Variants in CC2D2A observed in about 807,000 individuals in gnomAD.
The protein encoded by CC2D2A is coiled-coil and C2 domain containing 2A.
In CC2D2A, 155 loss-of-function variants were observed where a neutral mutation model predicts 212.9. The observed-to-expected ratio is 0.73, with a 90% CI of 0.64 to 0.83. CC2D2A has a LOEUF of 0.83. CC2D2A is among the 40% of genes least tolerant of loss of function. CC2D2A has a pLI of 0.00. For missense variants in CC2D2A, 1,856 were observed against 1,956.2 expected (o/e 0.95, Z 0.97); for synonymous variants, 667 against 686.5 (o/e 0.97, Z 0.44).
chr4:15,500,330 T>C lies in CC2D2A; in HGVS notation c.248-2099T>C, dbSNP rs1439348641. 2.0e-5 allele frequency among the ~76,000 whole-genome samples: 3 copies of C among 152,016 alleles called. No homozygotes were observed. The East Asian group carries it at 5.8e-4, about 29-fold the overall frequency. The stretch of plus-strand genomic sequence containing the variant: ...CATCCTTGTGCAGTACATAACTGTA[T>C]ATAAATTCAAAATGTGACAGATGAA... On this transcript the variant is annotated intron_variant, in intron 4 of 36. Coordinates refer to ENST00000424120, the MANE Select transcript of CC2D2A (RefSeq NM_001378615.1).
chr4:15,595,130 TTTC>T (rs1045439929), intron 33 of CC2D2A, among the ~76,000 whole-genome samples: 5 of 152,184 alleles, frequency 3.3e-5, no homozygotes, highest in Non-Finnish European at 7.3e-5. Flanking sequence ...TTTGCTATCT[TTTC>T]TTATTAGATA....
intron 15 of CC2D2A, 85 bp from the exon 16 acceptor site, chr4:15,537,814 C>T: frequency 7.2e-7 from 1 of 1,395,124 alleles, no homozygotes; most frequent in African/African-American, 1.4e-5. Flanking sequence ...GGGTTTGTAT[C>T]CAGGTCCATC....
intron 33 of CC2D2A, among the ~76,000 whole-genome samples, chr4:15,589,887 C>T (rs1721022093): frequency 6.6e-6 from 1 of 151,740 alleles, no homozygotes; most frequent in South Asian, 2.1e-4. Flanking sequence ...TTCAATTAGT[C>T]ACCTGACCTG....
At chr4:15,550,061 T>C (rs565900363) in intron 17 of CC2D2A, among the ~76,000 whole-genome samples, 1 of 152,236 alleles carries the variant, frequency 6.6e-6, no homozygotes, top group African/African-American at 2.4e-5. Flanking sequence ...AACTGTGGAA[T>C]ATTATGTCAT....
Position 15,538,015 on chromosome 4 carries a change from G to A in CC2D2A, c.1881G>A (p.Arg627=), listed in dbSNP as rs1718228986. The change falls in exon 16 of 37, where the codon CGG becomes CGA. Residue 627 remains arginine, a synonymous_variant. Transcript: ENST00000424120. The part of the protein sequence containing the change: ...VKPSPPEPTD[R]AVIEQEVRER... The stretch of plus-strand genomic sequence containing the variant: ...CCAGCCCTCCAGAGCCCACTGATCG[G>A]GCAGTGATAGAGCAGGAGGTGAGGG... 1 of 1,609,146 alleles carries A rather than the reference G, an allele frequency of 6.2e-7. No individual in the cohort carries two copies. Among genetic ancestry groups the A allele is most frequent in the Non-Finnish European group, 8.5e-7 (1 of 1,177,916 alleles).
In CC2D2A at chr4:15,598,494, G is replaced by A. The variant is rs78477796; in HGVS notation, c.4496+1029G>A. Among the ~76,000 whole-genome samples, 13 of 152,194 alleles carry A rather than the reference G, an allele frequency of 8.5e-5. 1 individual carries two copies. The East Asian group carries it at 2.1e-3, about 25-fold the overall frequency. On this transcript the variant is annotated intron_variant, in intron 35 of 36. Coordinates refer to ENST00000424120, the MANE Select transcript of CC2D2A (RefSeq NM_001378615.1). ...AAATCAGGACAATATCCCCTACCTC[G>A]TAAGGTTATTATTGAGATTAAATAA...
intron 6 of CC2D2A, among the ~76,000 whole-genome samples, chr4:15,506,935 G>A (rs1323031354): frequency 3.3e-5 from 5 of 151,734 alleles, no homozygotes; most frequent in Admixed American, 6.6e-5. Context: ...AAAATTAGCC[G>A]GGTTTGGTGG....
chr4:15,543,968 G>A (rs182105079), intron 17 of CC2D2A: 62 of 152,252 alleles, frequency 4.1e-4, no homozygotes, highest in African/African-American at 1.4e-3. Flanking sequence ...CACTAACAAC[G>A]GATTAAGAGC....
intron 30 of CC2D2A, among the ~76,000 whole-genome samples, chr4:15,583,328 T>A (rs971963424): frequency 2.0e-5 from 3 of 152,218 alleles, no homozygotes; most frequent in African/African-American, 7.2e-5. Flanking sequence ...TACTGAAAGT[T>A]CTAGCTAGAG....
At chr4:15,571,810 A>G (rs184373147) in intron 28 of CC2D2A, among the ~76,000 whole-genome samples, 59 of 152,320 alleles carry the variant, frequency 3.9e-4, no homozygotes, top group African/African-American at 1.3e-3. Context: ...TATTTTGCAA[A>G]TCACACTGCC....
intron 4 of CC2D2A, chr4:15,481,788 G>A (rs1714681438): frequency 1.0e-6 from 1 of 984,996 alleles, no homozygotes; most frequent in South Asian, 4.7e-5. Flanking sequence ...GTGTTAATTA[G>A]AATGGAAATT....
intron 24 of CC2D2A, among the ~76,000 whole-genome samples, chr4:15,566,874 C>A (rs1719903680): frequency 6.6e-6 from 1 of 152,122 alleles, no homozygotes; most frequent in African/African-American, 2.4e-5. Flanking sequence ...ACTCTGGAGG[C>A]TGAAGTGGGA....
At chr4:15,488,925 A>G (rs2108984065) in intron 4 of CC2D2A, among the ~76,000 whole-genome samples, 1 of 152,366 alleles carries the variant, frequency 6.6e-6, no homozygotes, top group Middle Eastern at 3.4e-3. Context: ...TCCCAAATAA[A>G]GAAAGCATCT....
In CC2D2A at chr4:15,580,053, G is replaced by C. The variant is rs748126483; in HGVS notation, c.3857G>C (p.Cys1286Ser). ...GCCTTAAAGTTTCCAAATCGTCAGT[G>C]CCTTACAACAGTAATTGATATAAGC... Reference protein sequence around the residue: ...ECALKFPNRQCLTTVIDISGK... With the variant: ...ECALKFPNRQSLTTVIDISGK... The change falls in exon 30 of 37, where the codon TGC becomes TCC. Residue 1286 changes from cysteine to serine, a missense_variant. Physicochemically the swap from Cys to Ser is moderately radical, Grantham distance 112. Coordinates refer to ENST00000424120, the MANE Select transcript of CC2D2A (RefSeq NM_001378615.1). The C allele has an allele frequency of 6.2e-7, 1 of 1,613,890 alleles. No homozygotes were observed. The highest frequency in any genetic ancestry group is 1.1e-5 in the South Asian group (1 of 91,082).
chr4:15,478,971 G>A (rs1282614131), intron 3 of CC2D2A, among the ~76,000 whole-genome samples, 165 bp downstream of exon 3: 1 of 152,112 alleles, frequency 6.6e-6, no homozygotes, highest in South Asian at 2.1e-4. Flanking sequence ...GGTGGTCCAG[G>A]GTGCAGGAGC....
chr4:15,586,333 C>CA (rs765271006), intron 31 of CC2D2A, 87 bp downstream of exon 31: 3 of 747,384 alleles, frequency 4.0e-6, no homozygotes, highest in Non-Finnish European at 4.1e-6. Context: ...TAAATTGCAA[C>CA]ATTCATTAGC....
chr4:15,490,533 GTTTA>G (rs760134910), intron 4 of CC2D2A, among the ~76,000 whole-genome samples: 15 of 149,798 alleles, frequency 1.0e-4, no homozygotes, highest in Non-Finnish European at 2.3e-4. Flanking sequence ...ACTATACTTT[GTTTA>G]TTTATTCACC....
intron 33 of CC2D2A, among the ~76,000 whole-genome samples, chr4:15,592,744 A>G (rs773341013): frequency 6.6e-6 from 1 of 152,158 alleles, no homozygotes; most frequent in Non-Finnish European, 1.5e-5. Context: ...ATCCTGGTAG[A>G]GAAGTGATAA....
intron 4 of CC2D2A, chr4:15,492,734 A>T: frequency 1.2e-6 from 1 of 811,070 alleles, no homozygotes; most frequent in Non-Finnish European, 2.0e-6. Flanking sequence ...TACTCCTTGG[A>T]GGCCATGTGG....
Sources: allele counts gnomAD v4.1 joint callset (sites outside exome capture counted in the v4.1 genomes callset), GRCh38; gene constraint gnomAD v4.1.1; transcripts MANE v1.5; gene names NCBI Gene and HGNC (gene_info 2026-07-23, HGNC 2026-07-21).